Variants in EPHA4 observed in about 807,000 individuals in gnomAD.
EPHA4 encodes ephrin type-A receptor 4.
EPHA4 carries 19 observed loss-of-function variants against 108.3 expected under a neutral mutation model. The ratio of observed to expected loss-of-function variants is 0.18; its 90% confidence interval spans 0.12 to 0.26. EPHA4 has a LOEUF of 0.26. Among genes scored for constraint, EPHA4 ranks in the 10% least tolerant of loss-of-function variants. The pLI is 1.00. For missense variants in EPHA4, 917 were observed against 1,254.0 expected (o/e 0.73, Z 4.06); for synonymous variants, 449 against 455.5 (o/e 0.99, Z 0.18).
At chr2:221,534,752 GCCTT>G (rs1275501389) in intron 3 of EPHA4, among the ~76,000 whole-genome samples, 2 of 152,098 alleles carry the variant, frequency 1.3e-5, no homozygotes, top group Admixed American at 1.3e-4. Context: ...AAACTCAATA[GCCTT>G]TCAGTTCTGT....
chr2:221,536,250 A>C (rs1353300747), intron 3 of EPHA4, among the ~76,000 whole-genome samples: 1 of 152,222 alleles, frequency 6.6e-6, no homozygotes, highest in Non-Finnish European at 1.5e-5. Flanking sequence ...GAACTTGTCC[A>C]TGATCAGATC....
intron 4 of EPHA4, among the ~76,000 whole-genome samples, chr2:221,487,150 T>C (rs543484145): frequency 6.6e-6 from 1 of 152,288 alleles, no homozygotes; most frequent in East Asian, 1.9e-4. Flanking sequence ...AAAAAACATT[T>C]ATGGTGTATC....
chr2:221,475,621 C>T (rs555645288), intron 5 of EPHA4, among the ~76,000 whole-genome samples: 1 of 152,302 alleles, frequency 6.6e-6, no homozygotes, highest in East Asian at 1.9e-4. Flanking sequence ...CGGACATTTG[C>T]CCTCTGTTGC....
intron 8 of EPHA4, among the ~76,000 whole-genome samples, chr2:221,446,626 T>C (rs1690602458): frequency 6.6e-6 from 1 of 152,128 alleles, no homozygotes; most frequent in South Asian, 2.1e-4. Context: ...GGCAGTAATG[T>C]TCAGTATGTG....
At chr2:221,522,735 CTATTATTAT>C (rs6147191) in intron 3 of EPHA4, among the ~76,000 whole-genome samples, 2,659 of 148,700 alleles carry the variant, frequency 0.018, 82 homozygotes, top group African/African-American at 0.06. Context: ...AAATAAAATC[CTATTATTAT>C]TATTATTATT....
chr2:221,426,758 G>A (rs1574552851), intron 15 of EPHA4, 139 bp from the exon 16 acceptor site: 1 of 743,916 alleles, frequency 1.3e-6, no homozygotes, highest in South Asian at 1.8e-5. Flanking sequence ...GTTGTTAAAT[G>A]TAACTATGCA....
intron 14 of EPHA4, among the ~76,000 whole-genome samples, chr2:221,430,809 C>T (rs559904250): frequency 2.0e-5 from 3 of 152,176 alleles, no homozygotes; most frequent in Non-Finnish European, 4.4e-5. Context: ...AAGTAAAAAA[C>T]AATTAAAAAA....
At chr2:221,471,938 G>A (rs944219681) in intron 5 of EPHA4, among the ~76,000 whole-genome samples, 2 of 152,078 alleles carry the variant, frequency 1.3e-5, no homozygotes, top group Admixed American at 6.6e-5. Flanking sequence ...TGTAAATGGA[G>A]AGAAATGAGA....
chr2:221,566,257 A>G (rs1391796356), intron 2 of EPHA4, among the ~76,000 whole-genome samples: 1 of 152,146 alleles, frequency 6.6e-6, no homozygotes, highest in African/African-American at 2.4e-5. Flanking sequence ...ACATAACAAC[A>G]AGAAATAAAT....
intron 2 of EPHA4, among the ~76,000 whole-genome samples, chr2:221,566,845 A>AAGG (rs1559297024): frequency 4.1e-5 from 2 of 48,306 alleles, no homozygotes; most frequent in Non-Finnish European, 6.8e-5. Flanking sequence ...GAAGAAGGAG[A>AAGG]AGGAGAAGGA....
chr2:221,528,172 AG>A (rs1407051422), intron 3 of EPHA4, among the ~76,000 whole-genome samples: 2 of 152,192 alleles, frequency 1.3e-5, no homozygotes, highest in African/African-American at 4.8e-5. Context: ...CCATAGTAAA[AG>A]TCTGATAAGC....
intron 13 of EPHA4, among the ~76,000 whole-genome samples, chr2:221,435,542 A>G (rs746329604): frequency 6.6e-6 from 1 of 152,160 alleles, no homozygotes; most frequent in Non-Finnish European, 1.5e-5. Flanking sequence ...GGGATTGCAG[A>G]TGCAAAATGA....
intron 3 of EPHA4, among the ~76,000 whole-genome samples, chr2:221,518,507 G>A (rs1693055318): frequency 6.6e-6 from 1 of 152,192 alleles, no homozygotes; most frequent in Admixed American, 6.5e-5. Flanking sequence ...CCTGTAACCT[G>A]TAACGATGGC....
chr2:221,538,004 A>C (rs2680853), intron 3 of EPHA4, among the ~76,000 whole-genome samples: 85,778 of 152,008 alleles, frequency 0.56, 24,941 homozygotes, highest in African/African-American at 0.7. Flanking sequence ...TGCTAAAAAA[A>C]AAGGGGGGGT....
chr2:221,486,013 T>C (rs1301146472), intron 4 of EPHA4, among the ~76,000 whole-genome samples: 1 of 152,212 alleles, frequency 6.6e-6, no homozygotes, highest in Non-Finnish European at 1.5e-5. Flanking sequence ...CTTTCATTTA[T>C]GTAAGTATTG....
At chr2:221,512,675 T>A (rs1332388379) in intron 3 of EPHA4, among the ~76,000 whole-genome samples, 1 of 152,254 alleles carries the variant, frequency 6.6e-6, no homozygotes, top group Non-Finnish European at 1.5e-5. Context: ...CTGAATTTAA[T>A]ACACGGGTCT....
At chr2:221,439,607 C>T (rs1371868793) in intron 11 of EPHA4, among the ~76,000 whole-genome samples, 3 of 151,954 alleles carry the variant, frequency 2.0e-5, no homozygotes. Context: ...CCTGCCTCAG[C>T]CTCTTGAGTA....
At position 221,571,255 on chromosome 2, in the gene EPHA4, T is replaced by TACAC. The variant is rs34969368; in HGVS notation, c.91+899_91+902dup. ...CAGACATGCACACACACACCACACA[T>TACAC]ACACACACACACACACACAGTTCGC... is the stretch of plus-strand genomic sequence containing the variant. On this transcript the variant is annotated intron_variant, in intron 1 of 17. Coordinates refer to ENST00000281821, the MANE Select transcript of EPHA4 (RefSeq NM_004438.5). This position sits in a 1 kb window ranked among gnomAD's most constrained non-coding sequence, Gnocchi z 6.3. Among the ~76,000 whole-genome samples the TACAC allele has an allele frequency of 4.0e-3, 573 of 142,624 alleles. 2 individuals carry two copies. Among genetic ancestry groups the TACAC allele is most frequent in the Non-Finnish European group, 6.2e-3 (401 of 64,860 alleles). The allele number at this position is 142,624 out of a possible 152,430, so 93.6% of individuals were successfully genotyped here. A position where few individuals can be genotyped will look rare whatever the true frequency, so the allele number is the denominator to read the frequency against.
chr2:221,442,398 G>A (rs6704894), intron 11 of EPHA4, among the ~76,000 whole-genome samples: 2,198 of 152,276 alleles, frequency 0.014, 52 homozygotes, highest in African/African-American at 0.049. Context: ...AGCAAATCCC[G>A]CAATATATTC....
Sources: allele counts gnomAD v4.1 joint callset (sites outside exome capture counted in the v4.1 genomes callset), GRCh38; gene constraint gnomAD v4.1.1; non-coding constraint Gnocchi (gnomAD v3.1); transcripts MANE v1.5; gene names NCBI Gene and HGNC (gene_info 2026-07-23, HGNC 2026-07-21).